Variants in NCBP1 observed in about 807,000 individuals in gnomAD.
The protein encoded by NCBP1 is nuclear cap binding protein subunit 1, also known as nuclear cap-binding protein subunit 1.
NCBP1 carries 16 observed loss-of-function variants against 111.7 expected under a neutral mutation model. The ratio of observed to expected loss-of-function variants is 0.14; its 90% confidence interval spans 0.10 to 0.22. NCBP1 has a LOEUF of 0.22. Ranked by LOEUF, NCBP1 falls within the 10% of genes least tolerant of loss-of-function variation. The probability of loss-of-function intolerance (pLI) is 1.00; values close to 1 mark genes in which losing one functional copy is unlikely to be tolerated. For synonymous variants in NCBP1, 304 were observed against 314.3 expected, an observed-to-expected ratio of 0.97 and a Z score of 0.35; for missense variants, 607 against 957.5, an observed-to-expected ratio of 0.63 and a Z score of 4.83.
chr9:97,654,614 T>C (rs557551127), intron 11 of NCBP1, among the ~76,000 whole-genome samples: 31 of 152,002 alleles, frequency 2.0e-4, no homozygotes, highest in African/African-American at 4.1e-4. Context: ...AAACAATGTA[T>C]GCCTGTGCGT....
In NCBP1 at chr9:97,661,023, A is replaced by G. The variant is rs1437677053; in HGVS notation, c.1555A>G (p.Ser519Gly). The G allele has an allele frequency of 1.2e-6, 2 of 1,612,882 alleles. No homozygotes were observed. The highest frequency in any genetic ancestry group is 1.7e-6 in the Non-Finnish European group (2 of 1,179,788). ...TAAGGCAACCAATGATGAAATCTTC[A>G]GCATTCTGAAAGATGTACCAAATCC... ...KSKATNDEIFSILKDVPNPNQ... is the reference protein window; with the variant it reads ...KSKATNDEIFGILKDVPNPNQ... The change falls in exon 16 of 23, where the codon AGC becomes GGC. Residue 519 changes from serine to glycine, a missense_variant. Physicochemically the swap from Ser to Gly is moderately conservative, Grantham distance 56 (BLOSUM62 0). Around this residue, in one of 9 missense-constraint regions of NCBP1, gnomAD observed 282 missense variants for 376.5 expected, o/e 0.75. Coordinates refer to ENST00000375147, the MANE Select transcript of NCBP1 (RefSeq NM_002486.5).
intron 4 of NCBP1, among the ~76,000 whole-genome samples, chr9:97,643,991 A>G (rs1010615733): frequency 4.6e-5 from 7 of 152,168 alleles, no homozygotes; most frequent in Admixed American, 2.6e-4. Context: ...CCCATTGTCT[A>G]CAGTGAGTGG....
intron 1 of NCBP1, 85 bp from the exon 2 acceptor site, chr9:97,640,709 A>G: frequency 9.4e-7 from 1 of 1,060,856 alleles, no homozygotes; most frequent in Admixed American, 2.3e-5. Flanking sequence ...CCTGGTAGAA[A>G]AGAGATTATA....
intron 1 of NCBP1, among the ~76,000 whole-genome samples, chr9:97,639,452 A>G (rs1318570715): frequency 6.6e-6 from 1 of 152,196 alleles, no homozygotes; most frequent in Non-Finnish European, 1.5e-5. Flanking sequence ...TTTCAAGCCA[A>G]GTGTTCCATA....
chr9:97,636,637 CATATATATATATAT>C (rs377027165), intron 1 of NCBP1, among the ~76,000 whole-genome samples: 1,665 of 111,248 alleles, frequency 0.015, 39 homozygotes, highest in African/African-American at 0.044. Flanking sequence ...GAAAGTAATA[CATATATATATATAT>C]ATATATATAT....
intron 14 of NCBP1, among the ~76,000 whole-genome samples, chr9:97,657,183 A>G (rs1391827198): frequency 6.6e-6 from 1 of 151,880 alleles, no homozygotes; most frequent in Non-Finnish European, 1.5e-5. Flanking sequence ...AGCTGGGATG[A>G]TCTCGATCTC....
chr9:97,670,978 T>C, intron 22 of NCBP1, 108 bp from the exon 23 acceptor site: 1 of 619,682 alleles, frequency 1.6e-6, no homozygotes, highest in Non-Finnish European at 2.8e-6. Flanking sequence ...TTTTTCCCCT[T>C]CCTCTTTTCA....
intron 16 of NCBP1, 53 bp from the exon 17 acceptor site, chr9:97,661,989 C>T: frequency 7.8e-7 from 1 of 1,287,726 alleles, no homozygotes; most frequent in Non-Finnish European, 1.1e-6. Context: ...AGGTAAGGCA[C>T]CAAGGAATTG....
intron 10 of NCBP1, among the ~76,000 whole-genome samples, chr9:97,651,883 A>T (rs1827506989): frequency 6.6e-6 from 1 of 152,232 alleles, no homozygotes; most frequent in Non-Finnish European, 1.5e-5. Context: ...GAAATAGAGT[A>T]GCAACACTTT....
chr9:97,661,978 G>T, intron 16 of NCBP1, 64 bp from the exon 17 acceptor site: 1 of 1,120,364 alleles, frequency 8.9e-7, no homozygotes, highest in Non-Finnish European at 1.3e-6. Flanking sequence ...TTTAGCATTT[G>T]AGGTAAGGCA....
At chr9:97,663,259 A>G (rs913802251) in intron 18 of NCBP1, among the ~76,000 whole-genome samples, 4 of 152,176 alleles carry the variant, frequency 2.6e-5, no homozygotes, top group Admixed American at 2.6e-4. Context: ...TTGAACTATA[A>G]TATCTCAATA....
chr9:97,673,247 C>T lies in NCBP1; in HGVS notation c.*2048C>T, dbSNP rs547744414. The T allele has an allele frequency of 2.6e-5, 4 of 152,248 alleles. No homozygotes were observed. Among genetic ancestry groups the T allele is most frequent in the African/African-American group, 7.2e-5 (3 of 41,556 alleles). 9.4% of individuals were successfully genotyped at this position (152,248 alleles called of 1,614,324 possible). ...TTTTGGGGGAGTCAAAAGTTACATG[C>T]AAATTTTTTACTGTGCGGGGTGTCA... On this transcript the variant is annotated 3_prime_UTR_variant, in exon 23 of 23. Transcript: ENST00000375147.
rs1203818743 is a variant in NCBP1, at chr9:97,671,798, A to G, written c.*599A>G. On this transcript the variant is annotated 3_prime_UTR_variant, in exon 23 of 23. Transcript: ENST00000375147. Reference sequence around the variant, plus strand: ...TTACTAGTTGGAAGAGTAGCTCTCAAATTTGTCTTAATGTAAATCACCTGG... The same window carrying G: ...TTACTAGTTGGAAGAGTAGCTCTCAGATTTGTCTTAATGTAAATCACCTGG... The G allele has an allele frequency of 6.6e-6, 1 of 152,198 alleles. No homozygotes were observed. Among genetic ancestry groups the G allele is most frequent in the African/African-American group, 2.4e-5 (1 of 41,446 alleles). 9.4% of individuals were successfully genotyped at this position (152,198 alleles called of 1,614,324 possible). A position where few individuals can be genotyped will look rare whatever the true frequency, so the allele number is the denominator to read the frequency against.
chr9:97,668,475 C>T (rs1828077196), intron 20 of NCBP1, among the ~76,000 whole-genome samples: 1 of 152,168 alleles, frequency 6.6e-6, no homozygotes, highest in Admixed American at 6.5e-5. Flanking sequence ...GCCCATAGGA[C>T]TTGCCCAGTT....
chr9:97,665,678 T>C (rs1039696845), intron 19 of NCBP1, among the ~76,000 whole-genome samples: 1 of 152,194 alleles, frequency 6.6e-6, no homozygotes, highest in Non-Finnish European at 1.5e-5. Flanking sequence ...TAAACTATTA[T>C]TTGGGTCAAA....
Position 97,653,834 on chromosome 9 carries a change from C to T in NCBP1, c.1096C>T (p.Pro366Ser). ...FAELFQLPAP[P>S]HIDVMYTTLL... is the part of the protein sequence containing the mutation. ...AGAGCTGTTTCAACTTCCAGCACCC[C>T]CTCACATTGATGTGATGTACACAAC... is the stretch of plus-strand genomic sequence containing the variant. Residue 366 changes from proline to serine, a missense_variant, in exon 11 of 23, where the codon CCT becomes TCT. By Grantham distance (74) the Pro-to-Ser change is moderately conservative. Around this residue, in one of 9 missense-constraint regions of NCBP1, gnomAD observed 33 missense variants for 46.5 expected, o/e 0.71. Transcript: ENST00000375147. The T allele has an allele frequency of 6.2e-7, 1 of 1,614,058 alleles. No individual in the cohort carries two copies. Among genetic ancestry groups the T allele is most frequent in the Non-Finnish European group, 8.5e-7 (1 of 1,179,982 alleles).
At chr9:97,644,243 T>G (rs1363981097) in intron 4 of NCBP1, among the ~76,000 whole-genome samples, 1 of 152,180 alleles carries the variant, frequency 6.6e-6, no homozygotes, top group Non-Finnish European at 1.5e-5. Context: ...AAGTCCAGAC[T>G]CTTTAGCCTG....
intron 8 of NCBP1, among the ~76,000 whole-genome samples, chr9:97,650,147 TTC>T (rs1168944901): frequency 6.6e-6 from 1 of 152,202 alleles, no homozygotes; most frequent in Non-Finnish European, 1.5e-5. Context: ...GAATAGAATT[TTC>T]TCTCTGCATA....
chr9:97,644,922 G>C (rs924294056), intron 4 of NCBP1, among the ~76,000 whole-genome samples, 195 bp from the exon 5 acceptor site: 2 of 151,902 alleles, frequency 1.3e-5, no homozygotes, highest in African/African-American at 4.8e-5. Context: ...AAATACTCTT[G>C]ATTTTTTTTT....
Sources: allele counts gnomAD v4.1 joint callset (sites outside exome capture counted in the v4.1 genomes callset), GRCh38; gene constraint gnomAD v4.1.1; regional missense constraint gnomAD v4.1.1; transcripts MANE v1.5; gene names NCBI Gene and HGNC (gene_info 2026-07-23, HGNC 2026-07-21).